BCAR3: variants seen among roughly 807,000 people sequenced by gnomAD.
BCAR3 encodes the protein BCAR3 adaptor protein, NSP family member.
BCAR3 carries 37 observed loss-of-function variants against 80.1 expected under a neutral mutation model. The observed-to-expected ratio is 0.46, with a 90% CI of 0.36 to 0.61. The LOEUF (loss-of-function observed/expected upper bound fraction) is 0.61, where lower values mean the gene tolerates loss of function less well. Ranked by LOEUF, BCAR3 falls within the 20% of genes least tolerant of loss-of-function variation. The pLI is 0.00. For synonymous variants in BCAR3, 389 were observed against 418.9 expected (o/e 0.93, Z 0.87); for missense variants, 978 against 1,068.2 (o/e 0.92, Z 1.18).
chr1:93,608,308 G>A (rs1356327858), intron 3 of BCAR3, among the ~76,000 whole-genome samples: 1 of 152,204 alleles, frequency 6.6e-6, no homozygotes, highest in Non-Finnish European at 1.5e-5. Flanking sequence ...AACCTCCTGA[G>A]GCTCTCCTTT....
At chr1:93,845,696 G>A (rs1165653036) in exon 2 of BCAR3, 1 of 151,964 alleles carries the variant, frequency 6.6e-6, no homozygotes, top group East Asian at 1.9e-4. Context: ...AATCTTGAGG[G>A]ATGAGGTAAT....
At chr1:93,599,842 A>C (rs1247375445) in intron 3 of BCAR3, 1 of 152,218 alleles carries the variant, frequency 6.6e-6, no homozygotes, top group Non-Finnish European at 1.5e-5. Flanking sequence ...TAGAACCCTC[A>C]GAATCGGCTT....
intron 2 of BCAR3, among the ~76,000 whole-genome samples, chr1:93,786,192 C>CAAAAAAAA (rs61644309): frequency 0.03 from 698 of 23,192 alleles, 140 homozygotes; most frequent in Admixed American, 0.054. Flanking sequence ...GACTCCGTCT[C>CAAAAAAAA]AAAAAAAAAA....
intron 2 of BCAR3, among the ~76,000 whole-genome samples, chr1:93,751,226 G>A (rs1034933458): frequency 3.3e-5 from 5 of 152,074 alleles, no homozygotes; most frequent in African/African-American, 7.2e-5. Flanking sequence ...CTGATACCTC[G>A]GCTTGGCTTA....
intron 3 of BCAR3, among the ~76,000 whole-genome samples, chr1:93,621,953 C>T: frequency 6.6e-6 from 1 of 152,196 alleles, no homozygotes; most frequent in East Asian, 1.9e-4. Flanking sequence ...CTCACTGCAA[C>T]CTCCGCCTCC....
chr1:93,686,867 T>C (rs1321207614), intron 3 of BCAR3, among the ~76,000 whole-genome samples: 1 of 152,206 alleles, frequency 6.6e-6, no homozygotes, highest in Non-Finnish European at 1.5e-5. Context: ...GTAGTATCCC[T>C]ATTTTACTGG....
chr1:93,677,347 C>T (rs1648534771), intron 1 of BCAR3, among the ~76,000 whole-genome samples: 4 of 152,114 alleles, frequency 2.6e-5, no homozygotes, highest in South Asian at 2.1e-4. Context: ...CGAGTGAAGC[C>T]GAGAAGCATT....
chr1:93,665,524 T>C (rs1647862364), intron 2 of BCAR3, among the ~76,000 whole-genome samples: 1 of 152,194 alleles, frequency 6.6e-6, no homozygotes, highest in Non-Finnish European at 1.5e-5. Flanking sequence ...GGGATTCCTC[T>C]GAGGTCGTTC....
intron 2 of BCAR3, among the ~76,000 whole-genome samples, chr1:93,706,753 A>G (rs1649838659): frequency 6.6e-6 from 1 of 152,270 alleles, no homozygotes; most frequent in South Asian, 2.1e-4. Context: ...TTGATAAATA[A>G]AAGTCCAATA....
chr1:93,695,388 A>G (rs1649351901), intron 3 of BCAR3, among the ~76,000 whole-genome samples: 1 of 151,988 alleles, frequency 6.6e-6, no homozygotes, highest in Admixed American at 6.6e-5. Flanking sequence ...TTCCCCCTAC[A>G]ATGGAACTGA....
At chr1:93,734,779 G>A (rs188517211) in intron 2 of BCAR3, among the ~76,000 whole-genome samples, 5 of 152,316 alleles carry the variant, frequency 3.3e-5, no homozygotes, top group African/African-American at 7.2e-5. Flanking sequence ...CGGGCACACA[G>A]AGGATGCCCA....
chr1:93,570,343 G>A (rs1014667223), intron 9 of BCAR3, among the ~76,000 whole-genome samples: 7 of 152,162 alleles, frequency 4.6e-5, no homozygotes, highest in African/African-American at 9.7e-5. Flanking sequence ...CAGCCAAGCC[G>A]AGTGACCAGC....
At chr1:93,591,516 C>T (rs984227967) in intron 4 of BCAR3, among the ~76,000 whole-genome samples, 7 of 152,112 alleles carry the variant, frequency 4.6e-5, no homozygotes, top group African/African-American at 1.2e-4. Flanking sequence ...CCCTTCCCCC[C>T]AGCCCCTGTC....
chr1:93,769,256 A>G (rs1343394393), intron 2 of BCAR3, among the ~76,000 whole-genome samples: 1 of 152,176 alleles, frequency 6.6e-6, no homozygotes, highest in Non-Finnish European at 1.5e-5. Context: ...CTTGGGGAAA[A>G]TACGCTCGTG....
chr1:93,825,812 C>T (rs1418310122), intron 2 of BCAR3, among the ~76,000 whole-genome samples: 1 of 152,214 alleles, frequency 6.6e-6, no homozygotes, highest in South Asian at 2.1e-4. Context: ...GGTAACTTCA[C>T]TAACCTGGTC....
intron 3 of BCAR3, among the ~76,000 whole-genome samples, chr1:93,626,444 T>C (rs1056051702): frequency 6.6e-6 from 1 of 152,230 alleles, no homozygotes; most frequent in Admixed American, 6.5e-5. Context: ...TCAAAGTGTG[T>C]TCCACAGGCT....
At position 93,645,039 on chromosome 1, in the gene BCAR3, A is replaced by G. The variant is rs372501313; in HGVS notation, c.318-2696T>C. ...GAACTGTTGTTTTCATAGGTAAATG[A>G]GAGACTGAGTTTTTTCAGCTCTGAA... On this transcript the variant is annotated intron_variant, in intron 2 of 11. Transcript: ENST00000260502. 2.6e-5 allele frequency among the ~76,000 whole-genome samples: 4 copies of G among 152,340 alleles called. No homozygotes were observed. In the South Asian group the frequency reaches 8.3e-4, roughly 32 times the overall value.
chr1:93,594,207 G>A (rs1570947239), intron 3 of BCAR3, among the ~76,000 whole-genome samples: 1 of 152,184 alleles, frequency 6.6e-6, no homozygotes, highest in Non-Finnish European at 1.5e-5. Context: ...AAAACATCAG[G>A]CACTGGGTAT....
At chr1:93,788,601 T>A (rs539275594) in intron 2 of BCAR3, among the ~76,000 whole-genome samples, 1 of 152,332 alleles carries the variant, frequency 6.6e-6, no homozygotes, top group Admixed American at 6.5e-5. Context: ...AATTCTTGGC[T>A]GACAATTATT....
Sources: allele counts gnomAD v4.1 joint callset (sites outside exome capture counted in the v4.1 genomes callset), GRCh38; gene constraint gnomAD v4.1.1; transcripts MANE v1.5; gene names NCBI Gene and HGNC (gene_info 2026-07-23, HGNC 2026-07-21).